FOCAD: variants seen among roughly 807,000 people sequenced by gnomAD.
The protein encoded by FOCAD is focadhesin.
Under a neutral mutation model 225.6 loss-of-function variants are expected in FOCAD, and 198 were observed. That is an observed-to-expected ratio of 0.88 (90% CI 0.78 to 0.99). FOCAD has a LOEUF of 0.99. FOCAD is among the 50% of genes least tolerant of loss of function. The probability of loss-of-function intolerance (pLI) is 0.00; values close to 1 mark genes in which losing one functional copy is unlikely to be tolerated. For synonymous variants in FOCAD, 897 were observed against 755.0 expected (o/e 1.19, Z -3.08); for missense variants, 2,713 against 2,123.6 (o/e 1.28, Z -5.46).
chr9:20,921,179 A>T (rs779858745), intron 24 of FOCAD, among the ~76,000 whole-genome samples: 1 of 152,088 alleles, frequency 6.6e-6, no homozygotes, highest in African/African-American at 2.4e-5. Context: ...ACAGATTTAA[A>T]CCTGAAGATA....
intron 19 of FOCAD, among the ~76,000 whole-genome samples, chr9:20,877,904 TCAAAAAAA>T (rs1291233125): frequency 1.3e-5 from 2 of 151,452 alleles, no homozygotes; most frequent in African/African-American, 4.9e-5. Context: ...AGACTCCATC[TCAAAAAAA>T]CAAACAAACA....
intron 35 of FOCAD, among the ~76,000 whole-genome samples, chr9:20,967,580 G>A (rs1489918599): frequency 6.6e-6 from 1 of 152,050 alleles, no homozygotes; most frequent in African/African-American, 2.4e-5. Context: ...GTTCTTGATT[G>A]TAGAGAAAAA....
At chr9:20,899,748 T>C (rs570225405) in intron 21 of FOCAD, among the ~76,000 whole-genome samples, 1 of 152,130 alleles carries the variant, frequency 6.6e-6, no homozygotes, top group Non-Finnish European at 1.5e-5. Flanking sequence ...TGTGATAAAT[T>C]TCCTTGGAAA....
chr9:20,732,365 A>G (rs1826786240), intron 4 of FOCAD, among the ~76,000 whole-genome samples: 2 of 152,226 alleles, frequency 1.3e-5, no homozygotes, highest in African/African-American at 4.8e-5. Flanking sequence ...AAAGTTGTCT[A>G]GGCAAACAGG....
At chr9:20,681,803 AG>A (rs1295260184), upstream of FOCAD, among the ~76,000 whole-genome samples, 1 of 152,212 alleles carries the variant, frequency 6.6e-6, no homozygotes, top group Non-Finnish European at 1.5e-5. Flanking sequence ...CCCCAGAAGG[AG>A]GGGGTGAGCC....
intron 18 of FOCAD, among the ~76,000 whole-genome samples, chr9:20,868,421 T>G (rs1020481719): frequency 6.6e-6 from 1 of 152,098 alleles, no homozygotes; most frequent in African/African-American, 2.4e-5. Flanking sequence ...AATATTGACA[T>G]GCTTATATTT....
chr9:20,958,201 A>G (rs1462222592), intron 35 of FOCAD, among the ~76,000 whole-genome samples: 2 of 152,202 alleles, frequency 1.3e-5, no homozygotes, highest in Non-Finnish European at 2.9e-5. Context: ...AAAACAATAT[A>G]AAGAATAAAT....
chr9:20,797,651 G>A (rs1276118258), intron 11 of FOCAD, among the ~76,000 whole-genome samples: 3 of 151,938 alleles, frequency 2.0e-5, no homozygotes, highest in African/African-American at 7.3e-5. Flanking sequence ...TGTGATTTTT[G>A]CATTGATTTT....
intron 29 of FOCAD, among the ~76,000 whole-genome samples, 163 bp from the exon 30 acceptor site, chr9:20,946,538 T>G (rs1406161208): frequency 6.6e-6 from 1 of 152,218 alleles, no homozygotes; most frequent in African/African-American, 2.4e-5. Context: ...TATGAAATAT[T>G]ACAATATAAG....
At position 20,854,912 on chromosome 9, in the gene FOCAD, T is replaced by C. The variant is rs75369154; in HGVS notation, c.1921-7666T>C. Among the ~76,000 whole-genome samples the C allele has an allele frequency of 2.5e-3, 378 of 151,964 alleles. 3 individuals are homozygous for C. Among genetic ancestry groups the C allele is most frequent in the African/African-American group, 8.9e-3 (370 of 41,540 alleles). ...TCCTTAGCACTTTTTAAATTCCTAA[T>C]CTAAAAACCACTGCATACCCATTGA... On this transcript the variant is annotated intron_variant, in intron 15 of 43. Coordinates refer to ENST00000338382, the MANE Select transcript of FOCAD (RefSeq NM_001375567.1).
At position 20,986,283 on chromosome 9, in the gene FOCAD, T is replaced by TTTTTTTTTTTTTTTGA; in HGVS notation, c.4729-5_4729-4insTTTTTTTTTTTTTTGA. Reference sequence around the variant, plus strand: ...ACTAAACAATTTTTTTTTTTTTTTTTGCAGAGCAACATAGAAAAAGCTGCC... The same window carrying TTTTTTTTTTTTTTTGA: ...ACTAAACAATTTTTTTTTTTTTTTTTTTTTTTTTTTTTTTGAGCAGAGCAACATAGAAAAAGCTGCC... On this transcript the variant is annotated splice_polypyrimidine_tract_variant and splice_region_variant and intron_variant, in intron 39 of 43. Coordinates refer to ENST00000338382, the MANE Select transcript of FOCAD (RefSeq NM_001375567.1). 6.8e-7 allele frequency: 1 copy of TTTTTTTTTTTTTTTGA among 1,476,884 alleles called. No homozygotes were observed. Among genetic ancestry groups the TTTTTTTTTTTTTTTGA allele is most frequent in the Non-Finnish European group, 9.0e-7 (1 of 1,113,550 alleles). 91.5% of individuals were successfully genotyped at this position (1,476,884 alleles called of 1,614,324 possible).
intron 26 of FOCAD, chr9:20,929,127 G>A (rs1449568246): frequency 2.2e-6 from 1 of 448,300 alleles, no homozygotes; most frequent in Non-Finnish European, 3.9e-6. Context: ...TTGTAATTTG[G>A]TTTTTCAGAT....
chr9:20,914,931 T>A (rs1270075929), intron 23 of FOCAD, among the ~76,000 whole-genome samples: 1 of 152,202 alleles, frequency 6.6e-6, no homozygotes, highest in African/African-American at 2.4e-5. Flanking sequence ...GAATCTATTT[T>A]AAGGCAGATA....
At chr9:20,817,233 C>A (rs2131391389) in intron 11 of FOCAD, among the ~76,000 whole-genome samples, 1 of 152,194 alleles carries the variant, frequency 6.6e-6, no homozygotes, top group South Asian at 2.1e-4. Context: ...TGTAATTCAT[C>A]CATTTGAAGT....
Position 20,866,917 on chromosome 9 carries a change from T to TTTTTTTTAAAAAAAAA in FOCAD, c.2107-12_2107-11insTTTTTTTAAAAAAAAA. ...TTTTTTTTTTTTTTTTTTTTTTTTT[T>TTTTTTTTAAAAAAAAA]ACCCTATCTAGGACCCAATTGTAGC... On this transcript the variant is annotated splice_polypyrimidine_tract_variant and intron_variant, in intron 17 of 43. Transcript: ENST00000338382. 3.9e-6 allele frequency: 3 copies of TTTTTTTTAAAAAAAAA among 764,972 alleles called. No homozygotes were observed. The highest frequency in any genetic ancestry group is 3.3e-5 in the East Asian group (1 of 30,216). The allele number at this position is 764,972 out of a possible 1,614,324, so 47.4% of individuals were successfully genotyped here.
At chr9:20,732,168 C>T (rs890486486) in intron 4 of FOCAD, among the ~76,000 whole-genome samples, 11 of 152,040 alleles carry the variant, frequency 7.2e-5, no homozygotes, top group African/African-American at 1.9e-4. Flanking sequence ...GGAATGCAGA[C>T]GTAGTTATTG....
At chr9:20,665,084 G>T (rs1398633917) in intron 2 of FOCAD, among the ~76,000 whole-genome samples, 2 of 152,056 alleles carry the variant, frequency 1.3e-5, no homozygotes, top group African/African-American at 4.8e-5. Context: ...CAGTATGGGG[G>T]TATTCTGCTA....
In FOCAD at chr9:20,834,360, A is replaced by G. The variant is rs144139259; in HGVS notation, c.1920+11245A>G. Among the ~76,000 whole-genome samples the G allele has an allele frequency of 2.0e-5, 3 of 151,964 alleles. No individual in the cohort carries two copies. The South Asian group carries it at 6.2e-4, about 32-fold the overall frequency. On this transcript the variant is annotated intron_variant, in intron 15 of 43. Coordinates refer to ENST00000338382, the MANE Select transcript of FOCAD (RefSeq NM_001375567.1). ...CTAATGTGTGTTGGGCTTAATACCT[A>G]GGTGATGGGTTGATCTGTGGAGCAA...
intron 38 of FOCAD, 86 bp downstream of exon 38, chr9:20,981,772 T>G: frequency 7.0e-7 from 1 of 1,430,098 alleles, no homozygotes; most frequent in East Asian, 2.3e-5. Context: ...GGTGTATGTT[T>G]TAAGAATGTG....
Sources: gnomAD v4.1 joint callset for allele counts (sites outside exome capture counted in the v4.1 genomes callset) on GRCh38, gnomAD v4.1.1 for gene constraint, MANE v1.5 for transcripts, NCBI Gene and HGNC (gene_info 2026-07-23, HGNC 2026-07-21) for gene names.